Variants in SLC19A3 observed in about 807,000 individuals in gnomAD.
The protein encoded by SLC19A3 is solute carrier family 19 member 3.
SLC19A3 carries 31 observed loss-of-function variants against 40.2 expected under a neutral mutation model. That is an observed-to-expected ratio of 0.77 (90% CI 0.58 to 1.04). The LOEUF is 1.04. Among genes scored for constraint, SLC19A3 ranks in the 50% least tolerant of loss-of-function variants. SLC19A3 has a pLI of 0.00. For synonymous variants in SLC19A3, 212 were observed against 227.5 expected, an observed-to-expected ratio of 0.93 and a Z score of 0.61; for missense variants, 592 against 596.7, an observed-to-expected ratio of 0.99 and a Z score of 0.08.
intron 2 of SLC19A3, 26 bp downstream of exon 2, chr2:227,702,143 T>C: frequency 1.3e-6 from 2 of 1,597,712 alleles, no homozygotes; most frequent in South Asian, 1.1e-5. Flanking sequence ...AAAACCACAT[T>C]AAGATATGTA....
chr2:227,712,007 G>A (rs1190326500), intron 1 of SLC19A3, among the ~76,000 whole-genome samples: 2 of 127,138 alleles, frequency 1.6e-5, no homozygotes, highest in African/African-American at 6.1e-5. Context: ...CCGAGATCCC[G>A]CTATTGCACT....
chr2:227,697,171 T>A (rs1298471228), intron 3 of SLC19A3, among the ~76,000 whole-genome samples: 2 of 150,764 alleles, frequency 1.3e-5, no homozygotes, highest in African/African-American at 5.0e-5. Flanking sequence ...AAAATAACTA[T>A]TTTTCCCCCC....
chr2:227,688,971 A>G (rs1695122706), intron 4 of SLC19A3, among the ~76,000 whole-genome samples: 1 of 152,180 alleles, frequency 6.6e-6, no homozygotes, highest in Non-Finnish European at 1.5e-5. Context: ...TGGTTGAAAA[A>G]TGCAATTGAC....
At chr2:227,699,840 G>A (rs1695608698) in intron 2 of SLC19A3, among the ~76,000 whole-genome samples, 1 of 152,154 alleles carries the variant, frequency 6.6e-6, no homozygotes, top group Non-Finnish European at 1.5e-5. Flanking sequence ...GTACAGTTGA[G>A]TAGATGAGTT....
intron 2 of SLC19A3, chr2:227,700,953 G>C (rs1490707083): frequency 3.1e-6 from 4 of 1,303,464 alleles, no homozygotes; most frequent in Non-Finnish European, 4.0e-6. Flanking sequence ...GAAAGCAGGA[G>C]GCCACAGAGC....
At chr2:227,701,065 C>A in intron 2 of SLC19A3, 2 of 1,303,928 alleles carry the variant, frequency 1.5e-6, no homozygotes, top group Non-Finnish European at 2.0e-6. Context: ...TTGCTTCTGA[C>A]CCTGCATCTG....
Position 227,698,989 on chromosome 2 carries a change from C to G in SLC19A3, c.726G>C (p.Gly242=), listed in dbSNP as rs1231032199. 1 of 1,614,070 alleles carries G rather than the reference C, an allele frequency of 6.2e-7. No individual in the cohort carries two copies. The highest frequency in any genetic ancestry group is 1.1e-5 in the South Asian group (1 of 91,090). Residue 242 remains glycine (G), a synonymous_variant, in exon 3 of 6, where the codon GGG becomes GGC. Transcript: ENST00000644224. ...TGTTCAGCTGGCCCTTATTCAGCTT[C>G]CCTGAAGTGCTGAGTATTTCTGATG... is the stretch of plus-strand genomic sequence containing the variant. ...KPTSEILSTS[G]KLNKGQLNSL... is the part of the protein sequence containing the mutation.
At position 227,699,378 on chromosome 2, in the gene SLC19A3, A is replaced by G. The variant is rs145999922; in HGVS notation, c.337T>C (p.Tyr113His). 6.9e-5 allele frequency: 111 copies of G among 1,614,172 alleles called. No individual in the cohort carries two copies. Among genetic ancestry groups the G allele is most frequent in the Non-Finnish European group, 8.6e-5 (102 of 1,180,040 alleles). ...VKTMQVVEFF[Y>H]GMVTAAEVAY... is the part of the protein sequence containing the mutation. Reference sequence around the variant, plus strand: ...ACCTCGGCGGCGGTGACCATCCCATAGAAGAACTCTACAACCTGCATGGTC... The same window carrying G: ...ACCTCGGCGGCGGTGACCATCCCATGGAAGAACTCTACAACCTGCATGGTC... The change falls in exon 3 of 6, where the codon TAT becomes CAT. Residue 113 changes from tyrosine to histidine, a missense_variant. Tyr to His is a moderately conservative substitution (Grantham distance 83). Transcript: ENST00000644224.
chr2:227,688,996 T>C (rs912359771), intron 4 of SLC19A3, among the ~76,000 whole-genome samples: 1 of 152,030 alleles, frequency 6.6e-6, no homozygotes, highest in Non-Finnish European at 1.5e-5. Flanking sequence ...TGAGAATGCA[T>C]CAGAATCTCA....
Position 227,702,397 on chromosome 2 carries a change from T to A in SLC19A3, c.-2-77A>T, listed in dbSNP as rs949354218. ...ATCCTTGATGCGATGAAAACCTGAT[T>A]TTTTTTTTTTTTTTGAGATGGAGGG... is the stretch of plus-strand genomic sequence containing the variant. On this transcript the variant is annotated intron_variant, in intron 1 of 5. Transcript: ENST00000644224. The A allele has an allele frequency of 1.3e-5, 4 of 319,612 alleles. No homozygotes were observed. The African/African-American group carries it at 2.4e-4, about 19-fold the overall frequency. 19.8% of individuals were successfully genotyped at this position (319,612 alleles called of 1,614,324 possible).
At position 227,704,208 on chromosome 2, in the gene SLC19A3, G is replaced by A. The variant is rs143218611; in HGVS notation, c.-2-1888C>T. Among the ~76,000 whole-genome samples the A allele has an allele frequency of 4.2e-3, 641 of 152,228 alleles. 9 individuals are homozygous for A. Among genetic ancestry groups the A allele is most frequent in the African/African-American group, 0.015 (611 of 41,528 alleles). On this transcript the variant is annotated intron_variant, in intron 1 of 5. Coordinates refer to ENST00000644224, the MANE Select transcript of SLC19A3 (RefSeq NM_025243.4). ...GAACAGGCAAGAATCCAGGAGTTAGGGAAGACAATCTTATAGAAGGAAGGG... is the reference window on the plus strand; with the variant it reads ...GAACAGGCAAGAATCCAGGAGTTAGAGAAGACAATCTTATAGAAGGAAGGG...
intron 4 of SLC19A3, among the ~76,000 whole-genome samples, chr2:227,692,109 AC>A (rs1273146997): frequency 2.0e-5 from 3 of 152,182 alleles, no homozygotes; most frequent in Admixed American, 6.5e-5. Flanking sequence ...AAAGCCCAGG[AC>A]CCAATGGCTT....
At position 227,690,532 on chromosome 2, in the gene SLC19A3, C is replaced by T. The variant is rs182996505; in HGVS notation, c.1173-2225G>A. 6.2e-4 allele frequency among the ~76,000 whole-genome samples: 94 copies of T among 151,406 alleles called. 1 individual carries two copies. The stretch of plus-strand genomic sequence containing the variant: ...GCCATCCTGGCTAACACGATGAAAC[C>T]CCGTCTCTACTAAAAATACAAAAAA... On this transcript the variant is annotated intron_variant, in intron 4 of 5. Transcript: ENST00000644224.
At chr2:227,706,456 C>T (rs1252391668) in intron 1 of SLC19A3, 1 of 1,227,228 alleles carries the variant, frequency 8.1e-7, no homozygotes, top group Non-Finnish European at 1.0e-6. Context: ...GGTACAAGAA[C>T]ACTGTGTAAA....
At chr2:227,705,120 C>T (rs890357631) in intron 1 of SLC19A3, among the ~76,000 whole-genome samples, 3 of 151,956 alleles carry the variant, frequency 2.0e-5, no homozygotes, top group South Asian at 2.1e-4. Context: ...TCAGGTGATC[C>T]GCCCGCCTCA....
chr2:227,688,442 A>G (rs1008966925), intron 4 of SLC19A3, 135 bp from the exon 5 acceptor site: 5 of 736,034 alleles, frequency 6.8e-6, no homozygotes, highest in Non-Finnish European at 1.2e-5. Context: ...AGAGAGAGAG[A>G]GACTGTCTGG....
In SLC19A3 at chr2:227,703,388, G is replaced by A. The variant is rs933791135; in HGVS notation, c.-2-1068C>T. ...CTACTAGGTCACATCATTGCGGCTT[G>A]CCACTCACCCTACCCTTTCCCAAGG... On this transcript the variant is annotated intron_variant, in intron 1 of 5. Coordinates refer to ENST00000644224, the MANE Select transcript of SLC19A3 (RefSeq NM_025243.4). The surrounding 1 kb of genome is among the most constrained non-coding windows in gnomAD (Gnocchi z 4.7). Among the ~76,000 whole-genome samples, 8 of 152,078 alleles carry A rather than the reference G, an allele frequency of 5.3e-5. No individual in the cohort carries two copies. The highest frequency in any genetic ancestry group is 4.6e-4 in the Admixed American group (7 of 15,256).
intron 1 of SLC19A3, among the ~76,000 whole-genome samples, chr2:227,707,132 G>A (rs1459889914): frequency 1.3e-5 from 2 of 152,170 alleles, no homozygotes; most frequent in Admixed American, 1.3e-4. Context: ...CACCACATGA[G>A]CCCTGAAGAA....
chr2:227,704,950 A>G (rs1250207431), intron 1 of SLC19A3, among the ~76,000 whole-genome samples: 1 of 151,960 alleles, frequency 6.6e-6, no homozygotes, highest in Non-Finnish European at 1.5e-5. Flanking sequence ...GCACGATTTC[A>G]GCTCACTGCA....
Sources: allele counts gnomAD v4.1 joint callset (sites outside exome capture counted in the v4.1 genomes callset), GRCh38; gene constraint gnomAD v4.1.1; non-coding constraint Gnocchi (gnomAD v3.1); transcripts MANE v1.5; gene names NCBI Gene and HGNC (gene_info 2026-07-23, HGNC 2026-07-21).